Variants in PTP4A2 observed in about 807,000 individuals in gnomAD.
PTP4A2 encodes the protein protein tyrosine phosphatase type IVA 2.
Under a neutral mutation model 22.9 loss-of-function variants are expected in PTP4A2, and 2 were observed. The ratio of observed to expected loss-of-function variants is 0.09; its 90% CI spans 0.04 to 0.27. The LOEUF (loss-of-function observed/expected upper bound fraction) is 0.27, where lower values mean the gene tolerates loss of function less well. Among genes scored for constraint, PTP4A2 ranks in the 10% least tolerant of loss-of-function variants. The probability of loss-of-function intolerance (pLI) is 1.00; values close to 1 mark genes in which losing one functional copy is unlikely to be tolerated. For synonymous variants in PTP4A2, 68 were observed against 69.1 expected, an observed-to-expected ratio of 0.98 and a Z score of 0.08; for missense variants, 103 against 205.1, an observed-to-expected ratio of 0.50 and a Z score of 3.04.
intron 1 of PTP4A2, among the ~76,000 whole-genome samples, chr1:31,925,703 T>G (rs1350965590): frequency 6.6e-6 from 1 of 150,646 alleles, no homozygotes; most frequent in African/African-American, 2.5e-5. Context: ...GAGCTTGCAG[T>G]GACCCAAGAT....
chr1:31,920,509 T>C (rs1305001634), intron 1 of PTP4A2, among the ~76,000 whole-genome samples: 1 of 151,290 alleles, frequency 6.6e-6, no homozygotes, highest in Admixed American at 6.6e-5. Context: ...TTTTAAATGA[T>C]TACTAGATAC....
intron 1 of PTP4A2, among the ~76,000 whole-genome samples, chr1:31,930,493 C>G (rs1652680107): frequency 6.6e-6 from 1 of 152,116 alleles, no homozygotes; most frequent in African/African-American, 2.4e-5. Context: ...TCTCTATGGA[C>G]AAGACACAGA....
rs1651271254 is a variant in PTP4A2, at chr1:31,908,081, T to C, written c.*771A>G. The C allele has an allele frequency of 1.7e-5, 2 of 121,146 alleles. No individual in the cohort carries two copies. The highest frequency in any genetic ancestry group is 6.3e-5 in the African/African-American group (2 of 31,724). 7.5% of individuals were successfully genotyped at this position (121,146 alleles called of 1,614,324 possible). A position where few individuals can be genotyped will look rare whatever the true frequency, so the allele number is the denominator to read the frequency against. ...TTTGAAGAAACTAACATGAACACCC[T>C]TTCATCAGTAAAGACTAAAAACCAC... On this transcript the variant is annotated 3_prime_UTR_variant, in exon 6 of 6. Coordinates refer to ENST00000647444, the MANE Select transcript of PTP4A2 (RefSeq NM_080391.4).
At chr1:31,913,224 T>A (rs553718114) in intron 3 of PTP4A2, among the ~76,000 whole-genome samples, 1 of 152,320 alleles carries the variant, frequency 6.6e-6, no homozygotes, top group African/African-American at 2.4e-5. Context: ...CCTCTTACCA[T>A]GAAATGTTCC....
In PTP4A2 at chr1:31,908,078, C is replaced by A. The variant is rs1651271069; in HGVS notation, c.*774G>T. ...GGTTTTGAAGAAACTAACATGAACACCCTTTCATCAGTAAAGACTAAAAAC... is the reference window on the plus strand; with the variant it reads ...GGTTTTGAAGAAACTAACATGAACAACCTTTCATCAGTAAAGACTAAAAAC... On this transcript the variant is annotated 3_prime_UTR_variant, in exon 6 of 6. Coordinates refer to ENST00000647444, the MANE Select transcript of PTP4A2 (RefSeq NM_080391.4). 1 of 120,970 alleles carries A rather than the reference C, an allele frequency of 8.3e-6. No homozygotes were observed. The highest frequency in any genetic ancestry group is 1.7e-5 in the Non-Finnish European group (1 of 58,458). The allele number at this position is 120,970 out of a possible 1,614,324, so 7.5% of individuals were successfully genotyped here. A position where few individuals can be genotyped will look rare whatever the true frequency, so the allele number is the denominator to read the frequency against.
chr1:31,914,220 T>A (rs1169458264), intron 3 of PTP4A2: 1 of 454,018 alleles, frequency 2.2e-6, no homozygotes, highest in East Asian at 7.0e-5. Context: ...GTGCATGCCA[T>A]CACGTCCAGC....
chr1:31,926,308 A>G (rs601261), intron 1 of PTP4A2, among the ~76,000 whole-genome samples: 9,096 of 151,838 alleles, frequency 0.06, 559 homozygotes, highest in South Asian at 0.29. Flanking sequence ...ACATTAAAAT[A>G]TAAAGGTACA....
At chr1:31,933,869 C>A (rs1324475622) in intron 1 of PTP4A2, 1 of 152,186 alleles carries the variant, frequency 6.6e-6, no homozygotes, top group African/African-American at 2.4e-5. Context: ...AATGTGGAAA[C>A]CTAAACCCTG....
At chr1:31,912,332 C>T (rs1156484875) in intron 3 of PTP4A2, among the ~76,000 whole-genome samples, 1 of 152,144 alleles carries the variant, frequency 6.6e-6, no homozygotes, top group East Asian at 1.9e-4. Flanking sequence ...TAAGAAATCT[C>T]CAATAGTTAG....
chr1:31,930,052 T>C (rs2124257241), intron 1 of PTP4A2, among the ~76,000 whole-genome samples: 1 of 152,200 alleles, frequency 6.6e-6, no homozygotes, highest in South Asian at 2.1e-4. Flanking sequence ...AAATATACCA[T>C]CTCGGGCCGG....
chr1:31,912,532 A>C (rs920007213), intron 3 of PTP4A2, among the ~76,000 whole-genome samples: 11 of 152,178 alleles, frequency 7.2e-5, no homozygotes, highest in Non-Finnish European at 1.5e-4. Flanking sequence ...TATTTGGGCT[A>C]TCTTTCAATT....
rs1651281894 is a variant in PTP4A2 at position 31,908,118 on chromosome 1, ATATATATATATATATATTATAT to A, written c.*712_*733del. The A allele has an allele frequency of 1.7e-3, 6 of 3,554 alleles. 1 individual carries two copies. The highest frequency in any genetic ancestry group is 4.0e-3 in the Non-Finnish European group (5 of 1,262). 0.2% of individuals were successfully genotyped at this position (3,554 alleles called of 1,614,324 possible). On this transcript the variant is annotated 3_prime_UTR_variant, in exon 6 of 6. Transcript: ENST00000647444. ...AGACTAAAAACCACCTGGAAAATAT[ATATATATATATATATATTATAT>A]TATATATATATATATATATATATAT... is the stretch of plus-strand genomic sequence containing the variant.
intron 1 of PTP4A2, among the ~76,000 whole-genome samples, chr1:31,927,371 A>G (rs1045024050): frequency 5.3e-5 from 8 of 152,144 alleles, no homozygotes; most frequent in African/African-American, 1.9e-4. Flanking sequence ...GGGTGAGAGG[A>G]GAGTGGGGCT....
chr1:31,916,174 G>A (rs1357092416), intron 2 of PTP4A2, among the ~76,000 whole-genome samples, 187 bp from the exon 3 acceptor site: 1 of 151,072 alleles, frequency 6.6e-6, no homozygotes, highest in East Asian at 1.9e-4. Context: ...GTGAAACCCC[G>A]TCTCTATTAA....
At chr1:31,916,407 T>C (rs974325419) in intron 2 of PTP4A2, among the ~76,000 whole-genome samples, 2 of 133,898 alleles carry the variant, frequency 1.5e-5, no homozygotes, top group Admixed American at 1.5e-4. Flanking sequence ...CAATGAGATA[T>C]CATTTTTAGA....
At chr1:31,929,388 A>G (rs1405951266) in intron 1 of PTP4A2, among the ~76,000 whole-genome samples, 1 of 152,254 alleles carries the variant, frequency 6.6e-6, no homozygotes, top group Non-Finnish European at 1.5e-5. Context: ...ATTACATTAA[A>G]TAGTTTTACT....
rs1313171141 is a variant in PTP4A2, at chr1:31,908,927, C to T, written c.429G>A (p.Leu143=). 3.1e-6 allele frequency: 5 copies of T among 1,613,888 alleles called. No individual in the cohort carries two copies. The highest frequency in any genetic ancestry group is 4.2e-6 in the Non-Finnish European group (5 of 1,179,898). Residue 143 remains leucine, a synonymous_variant, in exon 6 of 6, where the codon CTG becomes CTA. Transcript: ENST00000647444. ...KRRGAFNSKQ[L]LYLEKYRPKM... is the part of the protein sequence containing the mutation. ...TAGGTCGGTATTTCTCCAAATAAAG[C>T]AGCTGTTTGGAATTGAACGCTCCCC...
intron 1 of PTP4A2, chr1:31,933,090 C>T (rs1029309567): frequency 3.9e-5 from 6 of 152,192 alleles, no homozygotes; most frequent in African/African-American, 1.2e-4. Flanking sequence ...CAGCCTTGAC[C>T]TCCCAGGCTC....
chr1:31,909,206 AAT>A (rs1651400515), intron 5 of PTP4A2, among the ~76,000 whole-genome samples: 1 of 152,214 alleles, frequency 6.6e-6, no homozygotes, highest in African/African-American at 2.4e-5. Flanking sequence ...TAAAGATCAG[AAT>A]AGTTTCTACT....
Sources: gnomAD v4.1 joint callset for allele counts (sites outside exome capture counted in the v4.1 genomes callset) on GRCh38, gnomAD v4.1.1 for gene constraint, MANE v1.5 for transcripts, NCBI Gene and HGNC (gene_info 2026-07-23, HGNC 2026-07-21) for gene names.